The following N4BP2 variants were observed in gnomAD, a reference collection of about 807,000 sequenced individuals.
The protein encoded by N4BP2 is NEDD4-binding protein 2.
In N4BP2, 91 loss-of-function variants were observed where a neutral mutation model predicts 152.8. That is an observed-to-expected ratio of 0.60 (90% CI 0.50 to 0.71). The LOEUF (loss-of-function observed/expected upper bound fraction) is 0.71, where lower values mean the gene tolerates loss of function less well. Among genes scored for constraint, N4BP2 ranks in the 30% least tolerant of loss-of-function variants. The pLI, the probability that N4BP2 is intolerant of heterozygous loss-of-function variation, is 0.00. For synonymous variants in N4BP2, 646 were observed against 705.3 expected (o/e 0.92, Z 1.33); for missense variants, 1,923 against 2,059.1 (o/e 0.93, Z 1.28).
chr4:40,165,310 A>C, the N4BP2 span, among the ~76,000 whole-genome samples: 1 of 152,038 alleles, frequency 6.6e-6, no homozygotes, highest in South Asian at 2.1e-4. Flanking sequence ...GTACAGTGGC[A>C]CAATCACAGG....
At position 40,122,185 on chromosome 4, in the gene N4BP2, C is replaced by G; in HGVS notation, c.4074C>G (p.Thr1358=). 1 of 1,613,552 alleles carries G rather than the reference C, an allele frequency of 6.2e-7. No individual in the cohort carries two copies. Among genetic ancestry groups the G allele is most frequent in the Non-Finnish European group, 8.5e-7 (1 of 1,179,688 alleles). ...LSAGVSGEDK[T]EILNPTPAMA... ...CTGGAGTTAGTGGGGAAGATAAAAC[C>G]GAGATATTGAATCCCACTCCAGCGA... Residue 1358 remains threonine, a synonymous_variant, in exon 9 of 18, where the codon ACC becomes ACG. Transcript: ENST00000261435.
At position 40,102,193 on chromosome 4, in the gene N4BP2, A is replaced by C; in HGVS notation, c.348A>C (p.Ile116=). ...AAGTAGGTGCAGCAGAAAGTAAAAT[A>C]ATGGAAAAACGTCCTGAAGAAGAGA... ...ENQVGAAESK[I]MEKRPEEESE... The change falls in exon 4 of 18, where the codon ATA becomes ATC. Residue 116 remains isoleucine (I), a synonymous_variant. Coordinates refer to ENST00000261435, the MANE Select transcript of N4BP2 (RefSeq NM_018177.6). 1 of 1,614,024 alleles carries C rather than the reference A, an allele frequency of 6.2e-7. No homozygotes were observed. Among genetic ancestry groups the C allele is most frequent in the East Asian group, 2.2e-5 (1 of 44,834 alleles).
At chr4:40,189,921 T>TACACACACAC in the N4BP2 span, among the ~76,000 whole-genome samples, 1 of 149,240 alleles carries the variant, frequency 6.7e-6, no homozygotes. The surrounding 1 kb of genome is among the most constrained non-coding windows in gnomAD (Gnocchi z 4.3). Context: ...CACAGACACA[T>TACACACACAC]ACACACACAC....
chr4:40,189,335 T>C, the N4BP2 span, among the ~76,000 whole-genome samples: 15 of 152,114 alleles, frequency 9.9e-5, no homozygotes, highest in Non-Finnish European at 1.6e-4. The surrounding 1 kb of genome is among the most constrained non-coding windows in gnomAD (Gnocchi z 4.3). Flanking sequence ...CATGGCAGTC[T>C]GTGATGGAAA....
the N4BP2 span, among the ~76,000 whole-genome samples, chr4:40,175,017 ATTTTG>A: frequency 1.3e-5 from 2 of 151,998 alleles, no homozygotes; most frequent in African/African-American, 4.8e-5. Flanking sequence ...TGCATGTAAA[ATTTTG>A]TTTTGTTTTG....
At chr4:40,075,657 A>G (rs1158859873) in intron 2 of N4BP2, among the ~76,000 whole-genome samples, 1 of 152,134 alleles carries the variant, frequency 6.6e-6, no homozygotes, top group Non-Finnish European at 1.5e-5. Flanking sequence ...CGGCTTCCCA[A>G]AGTGCTGGGG....
At chr4:40,078,617 C>A (rs1391553633) in intron 2 of N4BP2, among the ~76,000 whole-genome samples, 1 of 151,584 alleles carries the variant, frequency 6.6e-6, no homozygotes, top group Non-Finnish European at 1.5e-5. Flanking sequence ...CCTTGATTTC[C>A]TTGGCTCAAC....
intron 2 of N4BP2, among the ~76,000 whole-genome samples, chr4:40,082,723 C>G (rs1713513526): frequency 6.7e-6 from 1 of 149,920 alleles, no homozygotes; most frequent in Admixed American, 6.7e-5. Flanking sequence ...TTTTTTGAGA[C>G]AGAGTCTTGC....
At chr4:40,163,768 T>C in the N4BP2 span, among the ~76,000 whole-genome samples, 1 of 152,212 alleles carries the variant, frequency 6.6e-6, no homozygotes, top group East Asian at 1.9e-4. Flanking sequence ...TTTAGTGGCC[T>C]TGTTATGAGA....
chr4:40,117,763 T>A, intron 7 of N4BP2, 106 bp from the exon 8 acceptor site: 2 of 878,686 alleles, frequency 2.3e-6, no homozygotes, highest in Non-Finnish European at 3.3e-6. Flanking sequence ...GCTTTGATAT[T>A]CGTATCTATT....
chr4:40,097,360 A>G lies in N4BP2; in HGVS notation c.20A>G (p.Asn7Ser), dbSNP rs1715190905. ...GTCAGAATGCCAAGGAGAAGGAAAA[A>G]TCTTGGGGGAAATCCTTTTCGGAAG... MPRRRK[N>S]LGGNPFRKTA... The change falls in exon 3 of 18, where the codon AAT becomes AGT. Residue 7 changes from asparagine to serine, a missense_variant. Physicochemically the swap from Asn to Ser is conservative, Grantham distance 46. Transcript: ENST00000261435. 3 of 1,613,580 alleles carry G rather than the reference A, an allele frequency of 1.9e-6. No individual in the cohort carries two copies. Among genetic ancestry groups the G allele is most frequent in the Non-Finnish European group, 2.5e-6 (3 of 1,179,596 alleles).
chr4:40,174,895 T>TAA, the N4BP2 span, among the ~76,000 whole-genome samples: 8 of 133,596 alleles, frequency 6.0e-5, no homozygotes, highest in African/African-American at 8.2e-5. Context: ...TTATTCAGCC[T>TAA]AAAAAAAAAA....
rs149895073 is a variant in N4BP2, at chr4:40,122,405, G to C, written c.4198+96G>C. 1.9e-3 allele frequency: 1,445 copies of C among 779,928 alleles called. 28 individuals carry two copies. In the East Asian group the frequency reaches 0.032, roughly 17 times the overall value. The allele number at this position is 779,928 out of a possible 1,614,324, so 48.3% of individuals were successfully genotyped here. The stretch of plus-strand genomic sequence containing the variant: ...TTTTTTTTTTCTGAGATGGAGTCTC[G>C]CTCTGTTGCCCAGGCTGGAGTGCAG... On this transcript the variant is annotated intron_variant, in intron 9 of 17. Coordinates refer to ENST00000261435, the MANE Select transcript of N4BP2 (RefSeq NM_018177.6).
Position 40,097,370 on chromosome 4 carries a change from A to G in N4BP2, c.30A>G (p.Gly10=), listed in dbSNP as rs190186372. The G allele has an allele frequency of 4.2e-5, 68 of 1,613,872 alleles. No homozygotes were observed. In the Admixed American group the frequency reaches 1.1e-3, roughly 25 times the overall value. The change falls in exon 3 of 18, where the codon GGA becomes GGG. Residue 10 remains glycine, a synonymous_variant. Coordinates refer to ENST00000261435, the MANE Select transcript of N4BP2 (RefSeq NM_018177.6). The part of the protein sequence containing the change: MPRRRKNLG[G]NPFRKTANPK... The stretch of plus-strand genomic sequence containing the variant: ...CAAGGAGAAGGAAAAATCTTGGGGG[A>G]AATCCTTTTCGGAAGACTGCAAACC...
chr4:40,123,858 GGTTA>G (rs1282100439), intron 10 of N4BP2, among the ~76,000 whole-genome samples: 4 of 151,752 alleles, frequency 2.6e-5, no homozygotes, highest in Non-Finnish European at 4.4e-5. Context: ...AATGCTGATT[GGTTA>G]AATTTCAAAG....
chr4:40,081,077 T>C (rs1435930630), intron 2 of N4BP2, among the ~76,000 whole-genome samples: 6 of 152,130 alleles, frequency 3.9e-5, no homozygotes, highest in African/African-American at 1.4e-4. Flanking sequence ...AAGGGATATA[T>C]AGCTTGCAAA....
Position 40,154,619 on chromosome 4 carries a change from A to G in N4BP2, c.*382A>G, listed in dbSNP as rs185108803. On this transcript the variant is annotated 3_prime_UTR_variant, in exon 18 of 18. Coordinates refer to ENST00000261435, the MANE Select transcript of N4BP2 (RefSeq NM_018177.6). ...GGTATTTAAAGTGCTTTGAGACCTG[A>G]TTCATGCCCCCCAAAGGGTGGTATT... The G allele has an allele frequency of 2.4e-5, 4 of 167,370 alleles. No individual in the cohort carries two copies. In the East Asian group the frequency reaches 7.1e-4, roughly 30 times the overall value. The allele number at this position is 167,370 out of a possible 1,614,324, so 10.4% of individuals were successfully genotyped here.
At chr4:40,061,168 T>TTTA (rs1228979199) in intron 1 of N4BP2, among the ~76,000 whole-genome samples, 5 of 151,324 alleles carry the variant, frequency 3.3e-5, no homozygotes, top group Non-Finnish European at 5.9e-5. Flanking sequence ...TATTAGTGTC[T>TTTA]TTATTATTAT....
At chr4:40,148,127 C>G (rs1333460196) in intron 16 of N4BP2, among the ~76,000 whole-genome samples, 1 of 152,154 alleles carries the variant, frequency 6.6e-6, no homozygotes, top group African/African-American at 2.4e-5. Context: ...TGTAGCGAGC[C>G]GAGATCACGC....
Sources: allele counts gnomAD v4.1 joint callset (sites outside exome capture counted in the v4.1 genomes callset), GRCh38; gene constraint gnomAD v4.1.1; non-coding constraint Gnocchi (gnomAD v3.1); transcripts MANE v1.5; gene names NCBI Gene and HGNC (gene_info 2026-07-23, HGNC 2026-07-21).